Variants in GTF2E2 observed in about 807,000 individuals in gnomAD.
GTF2E2 encodes the protein transcription initiation factor IIE subunit beta.
In GTF2E2, 21 loss-of-function variants were observed where a neutral mutation model predicts 40.5. The ratio of observed to expected loss-of-function variants is 0.52; its 90% confidence interval spans 0.37 to 0.75. The LOEUF is 0.75. GTF2E2 is among the 30% of genes least tolerant of loss of function. The pLI is 0.00. For missense variants in GTF2E2, 298 were observed against 338.4 expected (o/e 0.88, Z 0.94); for synonymous variants, 117 against 121.6 (o/e 0.96, Z 0.25).
At chr8:30,637,108 A>G (rs1192938100) in intron 2 of GTF2E2, 1 of 410,322 alleles carries the variant, frequency 2.4e-6, no homozygotes, top group African/African-American at 2.1e-5. Flanking sequence ...CAGAGTATAG[A>G]TTCAAATCCA....
intron 3 of GTF2E2, among the ~76,000 whole-genome samples, chr8:30,616,522 C>A (rs946815834): frequency 1.8e-4 from 27 of 151,814 alleles, no homozygotes; most frequent in African/African-American, 6.3e-4. Flanking sequence ...ACAAGCAGAG[C>A]CCTGAGAATT....
intron 5 of GTF2E2, among the ~76,000 whole-genome samples, chr8:30,609,101 A>C (rs990447603): frequency 2.0e-5 from 3 of 152,010 alleles, no homozygotes; most frequent in African/African-American, 7.2e-5. Context: ...CCCCATCTCT[A>C]CTAAAAATAG....
At chr8:30,583,552 G>A (rs1424636542) in intron 6 of GTF2E2, among the ~76,000 whole-genome samples, 2 of 151,774 alleles carry the variant, frequency 1.3e-5, no homozygotes, top group African/African-American at 2.4e-5. Flanking sequence ...GCTAACTTTT[G>A]TATTTTTAGT....
intron 3 of GTF2E2, among the ~76,000 whole-genome samples, chr8:30,630,527 T>C (rs2151144039): frequency 6.6e-6 from 1 of 152,180 alleles, no homozygotes; most frequent in East Asian, 1.9e-4. Context: ...CAAAAGACAG[T>C]GGGAGACTTT....
intron 3 of GTF2E2, among the ~76,000 whole-genome samples, chr8:30,624,444 A>G (rs985615313): frequency 1.1e-4 from 16 of 152,084 alleles, no homozygotes; most frequent in South Asian, 2.1e-4. Context: ...GTCAGGTAGC[A>G]TGATGCCTCC....
chr8:30,585,941 G>A (rs746549424), intron 6 of GTF2E2, among the ~76,000 whole-genome samples: 1 of 151,994 alleles, frequency 6.6e-6, no homozygotes, highest in Non-Finnish European at 1.5e-5. Context: ...AACAAGCCGG[G>A]CATGGTGGTG....
chr8:30,653,616 A>G lies in GTF2E2; in HGVS notation c.-4-14T>C, dbSNP rs779256528. 1 of 1,596,650 alleles carries G rather than the reference A, an allele frequency of 6.3e-7. No individual in the cohort carries two copies. Among genetic ancestry groups the G allele is most frequent in the Non-Finnish European group, 8.5e-7 (1 of 1,171,146 alleles). On this transcript the variant is annotated splice_polypyrimidine_tract_variant and intron_variant, in intron 1 of 7. Coordinates refer to ENST00000355904, the MANE Select transcript of GTF2E2 (RefSeq NM_002095.6). ...GGATCCATAATGCTACAAAGAAAAA[A>G]TAAGTGTCTTTAATACAAATTCAAG...
chr8:30,601,430 A>T (rs1454991083), intron 6 of GTF2E2, among the ~76,000 whole-genome samples: 1 of 152,220 alleles, frequency 6.6e-6, no homozygotes, highest in Non-Finnish European at 1.5e-5. Context: ...GACATTTGAT[A>T]ATGTCTAAAG....
rs771803770 is a variant in GTF2E2 at position 30,653,457 on chromosome 8, A to G, written c.142T>C (p.Ser48Pro). ...KKKTKVEHGG[S>P]SGSKQNSDHS... The stretch of plus-strand genomic sequence containing the variant: ...CCAGAATTTTGTTTAGAGCCTGACG[A>G]TCCTCCATGTTCTACCTTTGTTTTC... The change falls in exon 2 of 8, where the codon TCG (serine) becomes CCG (proline). Residue 48 changes from serine to proline, a missense_variant. Physicochemically the swap from Ser to Pro is moderately conservative, Grantham distance 74 (BLOSUM62 -1). Transcript: ENST00000355904. 1.4e-5 allele frequency: 23 copies of G among 1,613,470 alleles called. No homozygotes were observed. The Admixed American group carries it at 2.2e-4, about 15-fold the overall frequency.
At chr8:30,605,545 T>C (rs1432955737) in intron 6 of GTF2E2, among the ~76,000 whole-genome samples, 4 of 152,160 alleles carry the variant, frequency 2.6e-5, no homozygotes, top group Non-Finnish European at 5.9e-5. Context: ...ATACTTGTGA[T>C]AGGTTTTTTT....
Position 30,610,057 on chromosome 8 carries a change from A to G in GTF2E2, c.549+2242T>C, listed in dbSNP as rs541729242. ...CCAGTCTCAAGCATTCCTTTATAGC[A>G]TTGCAAGAATAGACTAATACATAGC... is the stretch of plus-strand genomic sequence containing the variant. On this transcript the variant is annotated intron_variant, in intron 5 of 7. Transcript: ENST00000355904. Among the ~76,000 whole-genome samples, 6 of 152,332 alleles carry G rather than the reference A, an allele frequency of 3.9e-5. No homozygotes were observed. The South Asian group carries it at 1.2e-3, about 32-fold the overall frequency.
chr8:30,580,345 T>G lies in GTF2E2; in HGVS notation c.695A>C (p.Lys232Thr). 1 of 1,611,694 alleles carries G rather than the reference T, an allele frequency of 6.2e-7. No individual in the cohort carries two copies. Among genetic ancestry groups the G allele is most frequent in the African/African-American group, 1.3e-5 (1 of 75,018 alleles). Residue 232 changes from lysine to threonine, a missense_variant, in exon 7 of 8, where the codon AAA becomes ACA. Transcript: ENST00000355904. ...SVTVDSMDEEKIEEYLKRQGI... is the reference protein window; with the variant it reads ...SVTVDSMDEETIEEYLKRQGI... ...CTGTCGCTTCAGATATTCTTCAATTTTCTCCTCGTCCATGGAATCTACAGT... is the reference window on the plus strand; with the variant it reads ...CTGTCGCTTCAGATATTCTTCAATTGTCTCCTCGTCCATGGAATCTACAGT...
intron 2 of GTF2E2, among the ~76,000 whole-genome samples, chr8:30,642,347 C>T (rs902898808): frequency 1.3e-5 from 2 of 150,574 alleles, no homozygotes; most frequent in African/African-American, 2.4e-5. Context: ...CATACTACTC[C>T]ATAAGCAGGA....
intron 2 of GTF2E2, among the ~76,000 whole-genome samples, chr8:30,636,390 A>C (rs1199389355): frequency 2.6e-5 from 4 of 152,336 alleles, no homozygotes; most frequent in East Asian, 1.9e-4. Flanking sequence ...GCATTAGAAC[A>C]ACCACAAGTC....
intron 2 of GTF2E2, among the ~76,000 whole-genome samples, chr8:30,641,404 C>A (rs1801823191): frequency 6.6e-6 from 1 of 152,114 alleles, no homozygotes; most frequent in African/African-American, 2.4e-5. Flanking sequence ...ACTCTATCAC[C>A]CAGGCGGGAG....
intron 3 of GTF2E2, among the ~76,000 whole-genome samples, chr8:30,625,621 TTTTTG>T (rs1801250456): frequency 1.3e-5 from 2 of 151,260 alleles, no homozygotes; most frequent in African/African-American, 4.9e-5. Flanking sequence ...TGTTTTTTGT[TTTTTG>T]TTTTAAGGGA....
At chr8:30,611,983 A>G (rs190355853) in intron 5 of GTF2E2, among the ~76,000 whole-genome samples, 127 of 152,328 alleles carry the variant, frequency 8.3e-4, no homozygotes, top group African/African-American at 2.9e-3. Flanking sequence ...AGTATTATAG[A>G]AGACACTCTT....
intron 6 of GTF2E2, among the ~76,000 whole-genome samples, chr8:30,590,061 T>C (rs1828799676): frequency 6.6e-6 from 1 of 152,232 alleles, no homozygotes; most frequent in Non-Finnish European, 1.5e-5. Context: ...GATAATGATA[T>C]AGACAGTTCC....
intron 2 of GTF2E2, chr8:30,645,838 A>G: frequency 2.5e-6 from 1 of 395,424 alleles, no homozygotes; most frequent in Non-Finnish European, 4.5e-6. Flanking sequence ...ACACTTCAAA[A>G]ACTGGATAAA....
Sources: gnomAD v4.1 joint callset for allele counts (sites outside exome capture counted in the v4.1 genomes callset) on GRCh38, gnomAD v4.1.1 for gene constraint, MANE v1.5 for transcripts, NCBI Gene and HGNC (gene_info 2026-07-23, HGNC 2026-07-21) for gene names.